Variants in OCM observed in about 807,000 individuals in gnomAD.
OCM encodes oncomodulin-1.
Under a neutral mutation model 14.1 loss-of-function variants are expected in OCM, and 18 were observed. That is an observed-to-expected ratio of 1.28 (90% CI 0.88 to 1.89). The LOEUF is 1.89. Among genes scored for constraint, OCM ranks in the 40% most tolerant of loss-of-function variants. The probability of loss-of-function intolerance (pLI) is 0.00; values close to 1 mark genes in which losing one functional copy is unlikely to be tolerated. For missense variants in OCM, 140 were observed against 137.6 expected (o/e 1.02, Z -0.09); for synonymous variants, 48 against 51.0 (o/e 0.94, Z 0.25).
rs541796052 is a variant in OCM at position 5,882,596 on chromosome 7, G to T, written c.165G>T (p.Gln55His). 1.2e-6 allele frequency: 2 copies of T among 1,614,090 alleles called. No homozygotes were observed. Among genetic ancestry groups the T allele is most frequent in the East Asian group, 2.2e-5 (1 of 44,880 alleles). Residue 55 changes from glutamine (Q) to histidine (H), a missense_variant, in exon 2 of 4, where the codon CAG becomes CAT. Gln to His is a conservative substitution (Grantham distance 24). Transcript: ENST00000242104. Reference protein sequence around the residue: ...KDVFRFIDNDQSGYLDEEELK... With the variant: ...KDVFRFIDNDHSGYLDEEELK... Reference sequence around the variant, plus strand: ...TTTTCCGGTTCATAGACAACGACCAGAGCGGGTACCTGGATGAAGAAGAGC... The same window carrying T: ...TTTTCCGGTTCATAGACAACGACCATAGCGGGTACCTGGATGAAGAAGAGC...
At chr7:5,870,120 TTATAA>T in the OCM span, among the ~76,000 whole-genome samples, 1,303 of 149,254 alleles carry the variant, frequency 8.7e-3, 102 homozygotes, top group East Asian at 0.22. Flanking sequence ...TTTTATTATT[TTATAA>T]TAAATAATAA....
upstream of OCM, among the ~76,000 whole-genome samples, chr7:5,880,533 C>G (rs1159854405): frequency 6.6e-6 from 1 of 152,042 alleles, no homozygotes; most frequent in African/African-American, 2.4e-5. Flanking sequence ...CCAAGGCAGG[C>G]AGATCACCTG....
chr7:5,876,446 C>A (rs1215466754), upstream of OCM, among the ~76,000 whole-genome samples: 1 of 152,208 alleles, frequency 6.6e-6, no homozygotes. Context: ...CCACCACACT[C>A]AATCTTCAGA....
chr7:5,861,401 A>G, the OCM span, among the ~76,000 whole-genome samples: 1 of 151,924 alleles, frequency 6.6e-6, no homozygotes. Context: ...AGCCTGGGCA[A>G]CAAGAACGAA....
the OCM span, among the ~76,000 whole-genome samples, chr7:5,868,050 C>T: frequency 6.6e-6 from 1 of 151,246 alleles, no homozygotes; most frequent in African/African-American, 2.4e-5. Flanking sequence ...TTTTCCATTG[C>T]TATGTTTTCA....
chr7:5,868,350 G>A, the OCM span, among the ~76,000 whole-genome samples: 1 of 151,698 alleles, frequency 6.6e-6, no homozygotes, highest in African/African-American at 2.4e-5. Context: ...GTCTCACTAT[G>A]TTGCTCAGGC....
chr7:5,882,091 A>C (rs1781228746), intron 1 of OCM, among the ~76,000 whole-genome samples: 1 of 28,974 alleles, frequency 3.5e-5, no homozygotes, highest in South Asian at 9.6e-4. Context: ...GTCTCAAAAA[A>C]AAAAAAAAAA....
intron 1 of OCM, 57 bp from the exon 2 acceptor site, chr7:5,882,435 GC>G: frequency 1.3e-6 from 2 of 1,583,756 alleles, no homozygotes; most frequent in Non-Finnish European, 1.7e-6. Context: ...TAGTACCTTG[GC>G]CCCAACATAG....
chr7:5,862,785 T>G, the OCM span, among the ~76,000 whole-genome samples: 7 of 152,210 alleles, frequency 4.6e-5, no homozygotes, highest in Admixed American at 4.6e-4. Context: ...GTAGATCTAC[T>G]GAGCTCAAGA....
chr7:5,885,558 A>T (rs1029340669), intron 3 of OCM, among the ~76,000 whole-genome samples: 1 of 151,760 alleles, frequency 6.6e-6, no homozygotes, highest in South Asian at 2.1e-4. Flanking sequence ...AACCCTGTGA[A>T]CTTCCTCGAG....
the OCM span, among the ~76,000 whole-genome samples, chr7:5,863,225 C>G: frequency 6.6e-6 from 1 of 152,078 alleles, no homozygotes; most frequent in African/African-American, 2.4e-5. Context: ...TTGCTCTTTC[C>G]CCTTTAAATA....
chr7:5,866,546 G>T, the OCM span, among the ~76,000 whole-genome samples: 1 of 152,046 alleles, frequency 6.6e-6, no homozygotes, highest in African/African-American at 2.4e-5. Context: ...TCCTTGATAG[G>T]ATGGGAGGGA....
the OCM span, among the ~76,000 whole-genome samples, chr7:5,869,182 G>C: frequency 6.6e-6 from 1 of 152,180 alleles, no homozygotes; most frequent in South Asian, 2.1e-4. Context: ...AGGAATAAAA[G>C]AGAGAAGAGA....
In OCM at chr7:5,886,238, G is replaced by A. The variant is rs550801816; in HGVS notation, c.*149G>A. The A allele has an allele frequency of 2.6e-5, 30 of 1,143,662 alleles. 1 individual carries two copies. In the Admixed American group the frequency reaches 2.9e-4, roughly 11 times the overall value. The allele number at this position is 1,143,662 out of a possible 1,614,324, so 70.8% of individuals were successfully genotyped here. On this transcript the variant is annotated 3_prime_UTR_variant, in exon 4 of 4. Coordinates refer to ENST00000242104, the MANE Select transcript of OCM (RefSeq NM_001097622.2). ...TGCAGTTTGCTCATTGTTTTAGTGA[G>A]GTCACGAGGGAGTCACTCCTGACTT...
chr7:5,870,611 A>G, the OCM span, among the ~76,000 whole-genome samples: 4 of 152,182 alleles, frequency 2.6e-5, no homozygotes, highest in Non-Finnish European at 5.9e-5. Flanking sequence ...CTGGCCATCT[A>G]ATCTCTGAAA....
chr7:5,884,204 A>T (rs976062434), intron 3 of OCM, among the ~76,000 whole-genome samples: 20 of 152,176 alleles, frequency 1.3e-4, no homozygotes, highest in African/African-American at 4.8e-4. Context: ...GGTAGGTACT[A>T]TAGAAGCTGG....
At chr7:5,862,236 A>C in the OCM span, among the ~76,000 whole-genome samples, 1 of 152,164 alleles carries the variant, frequency 6.6e-6, no homozygotes, top group African/African-American at 2.4e-5. Flanking sequence ...GCCAAAGAGA[A>C]AGTCAAGCTT....
the OCM span, among the ~76,000 whole-genome samples, chr7:5,860,692 AT>A: frequency 9.2e-5 from 5 of 54,642 alleles, no homozygotes; most frequent in African/African-American, 2.3e-4. Flanking sequence ...GTGTGTATAT[AT>A]TATTACGTAT....
At chr7:5,860,503 CGTATATATACGT>C in the OCM span, among the ~76,000 whole-genome samples, 4 of 116,062 alleles carry the variant, frequency 3.4e-5, no homozygotes, top group Admixed American at 1.8e-4. Context: ...ATATATATTA[CGTATATATACGT>C]GTATATATAC....
Sources: allele counts gnomAD v4.1 joint callset (sites outside exome capture counted in the v4.1 genomes callset), GRCh38; gene constraint gnomAD v4.1.1; transcripts MANE v1.5; gene names NCBI Gene and HGNC (gene_info 2026-07-23, HGNC 2026-07-21).